The following DDX60L variants were observed in gnomAD, a reference collection of about 807,000 sequenced individuals.
DDX60L encodes probable ATP-dependent RNA helicase DDX60-like.
Under a neutral mutation model 211.6 loss-of-function variants are expected in DDX60L, and 191 were observed. That is an observed-to-expected ratio of 0.90 (90% confidence interval 0.80 to 1.02). The LOEUF (loss-of-function observed/expected upper bound fraction) is 1.02. Among genes scored for constraint, DDX60L ranks in the 50% least tolerant of loss-of-function variants. DDX60L has a pLI of 0.00. For synonymous variants in DDX60L, 706 were observed against 694.1 expected (o/e 1.02, Z -0.27); for missense variants, 2,007 against 1,984.1 (o/e 1.01, Z -0.22).
At chr4:168,395,171 A>G (rs1745552776) in intron 27 of DDX60L, among the ~76,000 whole-genome samples, 2 of 152,368 alleles carry the variant, frequency 1.3e-5, no homozygotes, top group Admixed American at 6.5e-5. Flanking sequence ...AGAAAAAACA[A>G]TAAAAATAGC....
rs551151815 is a variant in DDX60L, at chr4:168,430,735, T to C, written c.1517-97A>G. ...TATTTTTTTAACTCCAGAATAATAA[T>C]TCAGTATTTGCCAATGAGGTCAGAT... On this transcript the variant is annotated intron_variant, in intron 12 of 37. Coordinates refer to ENST00000682922, the MANE Select transcript of DDX60L (RefSeq NM_001012967.3). The C allele has an allele frequency of 2.6e-4, 251 of 947,656 alleles. 2 individuals are homozygous for C. In the African/African-American group the frequency reaches 3.7e-3, roughly 14 times the overall value. The allele number at this position is 947,656 out of a possible 1,614,324, so 58.7% of individuals were successfully genotyped here.
rs369012285 is a variant in DDX60L at position 168,370,394 on chromosome 4, G to C, written c.4928+1218C>G. On this transcript the variant is annotated intron_variant, in intron 36 of 37. Transcript: ENST00000682922. The stretch of plus-strand genomic sequence containing the variant: ...AAGAAAAATTAATACAATAGAAGTA[G>C]AGGGTAGAATAATGGTTACAAAGAT... Among the ~76,000 whole-genome samples the C allele has an allele frequency of 1.9e-4, 29 of 152,242 alleles. 1 individual carries two copies. In the South Asian group the frequency reaches 5.8e-3, roughly 30 times the overall value.
rs750733742 is a variant in DDX60L, at chr4:168,430,520, C to T, written c.1635G>A (p.Arg545=). 1.2e-6 allele frequency: 2 copies of T among 1,609,522 alleles called. No homozygotes were observed. Among genetic ancestry groups the T allele is most frequent in the South Asian group, 2.2e-5 (2 of 89,786 alleles). The stretch of plus-strand genomic sequence containing the variant: ...TGGCACCACTGGAATCCTCCTTTGG[C>T]CGAGTAGTTTGAGTCACAATGACTT... ...STKVIVTQTT[R]PKEDSSGASG... is the part of the protein sequence containing the mutation. The change falls in exon 13 of 38, where the codon CGG becomes CGA. Residue 545 remains arginine, a synonymous_variant. Coordinates refer to ENST00000682922, the MANE Select transcript of DDX60L (RefSeq NM_001012967.3).
chr4:168,371,270 T>C (rs1293728918), intron 36 of DDX60L, among the ~76,000 whole-genome samples: 1 of 150,590 alleles, frequency 6.6e-6, no homozygotes, highest in Non-Finnish European at 1.5e-5. Context: ...CTTTGTAATA[T>C]ATCCAAATTT....
chr4:168,451,473 T>C (rs1755789424), intron 8 of DDX60L, among the ~76,000 whole-genome samples: 1 of 152,218 alleles, frequency 6.6e-6, no homozygotes, highest in Non-Finnish European at 1.5e-5. Context: ...TTCTGCCTCA[T>C]ATCCTGTTCC....
chr4:168,480,265 C>T (rs1760257907), intron 1 of DDX60L, 112 bp downstream of exon 1: 1 of 152,638 alleles, frequency 6.6e-6, no homozygotes, highest in Admixed American at 6.5e-5. Context: ...ACGAAGCCAC[C>T]AGGCCACCTC....
intron 27 of DDX60L, 35 bp downstream of exon 27, chr4:168,395,924 C>T (rs374235636): frequency 1.9e-5 from 26 of 1,402,224 alleles, no homozygotes; most frequent in Non-Finnish European, 2.5e-5. Context: ...AATGTCACAA[C>T]TGTAACGTAT....
chr4:168,396,246 C>A, intron 26 of DDX60L, 122 bp from the exon 27 acceptor site: 1 of 576,232 alleles, frequency 1.7e-6, no homozygotes, highest in East Asian at 3.0e-5. Flanking sequence ...CTCCATCAAT[C>A]CTGACTTGGT....
In DDX60L at chr4:168,406,024, A is replaced by G. The variant is rs1213789227; in HGVS notation, c.3139T>C (p.Leu1047=). ...TTTTCTTCATATTTTCTAGCATCCA[A>G]CTTCTTAATGACTATCTTATTCTTA... ...LFKNKIVIKK[L]DARKYEENLK... Residue 1047 remains leucine (L), a synonymous_variant, in exon 24 of 38, where the codon TTG becomes CTG. Coordinates refer to ENST00000682922, the MANE Select transcript of DDX60L (RefSeq NM_001012967.3). 6.2e-7 allele frequency: 1 copy of G among 1,603,972 alleles called. No individual in the cohort carries two copies. The highest frequency in any genetic ancestry group is 1.1e-5 in the South Asian group (1 of 88,368).
intron 25 of DDX60L, among the ~76,000 whole-genome samples, chr4:168,401,727 G>C (rs72976818): frequency 7.2e-5 from 11 of 152,018 alleles, no homozygotes; most frequent in Non-Finnish European, 1.6e-4. Context: ...GAATTTTTTC[G>C]AATACTACTT....
At chr4:168,422,292 C>T (rs531268969) in intron 16 of DDX60L, among the ~76,000 whole-genome samples, 1 of 152,224 alleles carries the variant, frequency 6.6e-6, no homozygotes, top group East Asian at 1.9e-4. Context: ...ATTAGCATGC[C>T]TTCACATACA....
chr4:168,426,637 A>T (rs1245150250), intron 14 of DDX60L, among the ~76,000 whole-genome samples: 1 of 152,176 alleles, frequency 6.6e-6, no homozygotes, highest in Non-Finnish European at 1.5e-5. Context: ...GAACCTGTCA[A>T]TGCTTCTGCT....
rs201888523 is a variant in DDX60L, at chr4:168,422,513, G to A, written c.2244+11C>T. The stretch of plus-strand genomic sequence containing the variant: ...CACTGATTAGAAAAGTACAATGTTT[G>A]TTGTCATTACCTGCCATGCGTTGGG... On this transcript the variant is annotated intron_variant, in intron 16 of 37. Coordinates refer to ENST00000682922, the MANE Select transcript of DDX60L (RefSeq NM_001012967.3). 7.5e-6 allele frequency: 12 copies of A among 1,604,168 alleles called. No individual in the cohort carries two copies. The highest frequency in any genetic ancestry group is 1.3e-5 in the African/African-American group (1 of 74,392).
intron 14 of DDX60L, among the ~76,000 whole-genome samples, chr4:168,425,303 C>T (rs1306189780): frequency 1.3e-5 from 2 of 152,212 alleles, no homozygotes; most frequent in Non-Finnish European, 2.9e-5. Flanking sequence ...TAGTCTCTGA[C>T]AGCCCACTGA....
chr4:168,417,152 C>T (rs2149848282), intron 19 of DDX60L, among the ~76,000 whole-genome samples: 1 of 152,212 alleles, frequency 6.6e-6, no homozygotes, highest in Non-Finnish European at 1.5e-5. Context: ...CATCATAGCC[C>T]TAATGGTATT....
chr4:168,403,274 T>A (rs1256996645), intron 25 of DDX60L, among the ~76,000 whole-genome samples: 2 of 152,062 alleles, frequency 1.3e-5, no homozygotes, highest in Non-Finnish European at 2.9e-5. Context: ...CACATGTGGC[T>A]TAGTGCTACC....
chr4:168,425,371 G>A (rs1751289378), intron 14 of DDX60L, among the ~76,000 whole-genome samples: 2 of 152,336 alleles, frequency 1.3e-5, no homozygotes, highest in South Asian at 2.1e-4. Flanking sequence ...ACAGAGTCAC[G>A]TGGCCACACG....
chr4:168,467,459 A>AAAAAAG (rs1758150520), intron 4 of DDX60L, among the ~76,000 whole-genome samples: 2 of 151,644 alleles, frequency 1.3e-5, no homozygotes, highest in South Asian at 2.1e-4. Flanking sequence ...AAAAAAAAAA[A>AAAAAAG]AATGAAAGAA....
chr4:168,436,173 G>C (rs1753011403), intron 10 of DDX60L, among the ~76,000 whole-genome samples: 1 of 152,182 alleles, frequency 6.6e-6, no homozygotes, highest in Non-Finnish European at 1.5e-5. Flanking sequence ...AAAGTTGCTA[G>C]TTTTTATTGG....
Sources: gnomAD v4.1 joint callset for allele counts (sites outside exome capture counted in the v4.1 genomes callset) on GRCh38, gnomAD v4.1.1 for gene constraint, MANE v1.5 for transcripts, NCBI Gene and HGNC (gene_info 2026-07-23, HGNC 2026-07-21) for gene names.